PPP1R21: variants seen among roughly 807,000 people sequenced by gnomAD.
The protein encoded by PPP1R21 is protein phosphatase 1 regulatory subunit 21.
In PPP1R21, 85 loss-of-function variants were observed where a neutral mutation model predicts 112.8. That is an observed-to-expected ratio of 0.75 (90% CI 0.63 to 0.90). The LOEUF (loss-of-function observed/expected upper bound fraction) is 0.90. Ranked by LOEUF, PPP1R21 falls within the 40% of genes least tolerant of loss-of-function variation. The probability of loss-of-function intolerance (pLI) is 0.00; values close to 1 mark genes in which losing one functional copy is unlikely to be tolerated. For synonymous variants in PPP1R21, 381 were observed against 322.3 expected (o/e 1.18, Z -1.95); for missense variants, 1,199 against 901.5 (o/e 1.33, Z -4.23).
At position 48,478,642 on chromosome 2, in the gene PPP1R21, C is replaced by T. The variant is rs137880862; in HGVS notation, c.1226-1282C>T. Among the ~76,000 whole-genome samples, 284 of 152,320 alleles carry T rather than the reference C, an allele frequency of 1.9e-3. 3 individuals carry two copies. The highest frequency in any genetic ancestry group is 6.7e-3 in the African/African-American group (279 of 41,562). Reference sequence around the variant, plus strand: ...GGTATAGTTATAGACCTAGTGTACACCTAGCAGGTAGAGTTTTTTGAGATC... The same window carrying T: ...GGTATAGTTATAGACCTAGTGTACATCTAGCAGGTAGAGTTTTTTGAGATC... On this transcript the variant is annotated intron_variant, in intron 12 of 21. Transcript: ENST00000294952.
chr2:48,459,653 G>C, intron 4 of PPP1R21, 101 bp from the exon 5 acceptor site: 1 of 1,302,410 alleles, frequency 7.7e-7, no homozygotes, highest in Non-Finnish European at 1.1e-6. Context: ...TCAGCATATG[G>C]AACCATGTGG....
chr2:48,507,505 C>T, intron 19 of PPP1R21, 120 bp downstream of exon 19: 1 of 1,456,770 alleles, frequency 6.9e-7, no homozygotes. Flanking sequence ...GTAGCTGGGA[C>T]TATGGGTGTG....
chr2:48,491,086 G>C lies in PPP1R21; in HGVS notation c.1515G>C (p.Ala505=), dbSNP rs148151051. Residue 505 remains alanine (A), a synonymous_variant, in exon 15 of 22, where the codon GCG becomes GCC. Coordinates refer to ENST00000294952, the MANE Select transcript of PPP1R21 (RefSeq NM_001135629.3). ...CACTGAGCTATGGACCTAAGGCAGC[G>C]AGTGGATTCATTAGTCCTCTTTCAG... The part of the protein sequence containing the change: ...IASLSYGPKA[A]SGFISPLSAE... The C allele has an allele frequency of 6.2e-7, 1 of 1,614,116 alleles. No individual in the cohort carries two copies. The highest frequency in any genetic ancestry group is 8.5e-7 in the Non-Finnish European group (1 of 1,179,948).
At chr2:48,481,010 G>A (rs1408999353) in intron 13 of PPP1R21, among the ~76,000 whole-genome samples, 1 of 152,040 alleles carries the variant, frequency 6.6e-6, no homozygotes, top group Non-Finnish European at 1.5e-5. Flanking sequence ...TTTTTCTGAG[G>A]TTCAGTTTCG....
intron 21 of PPP1R21, among the ~76,000 whole-genome samples, chr2:48,512,672 G>C (rs1158219183): frequency 6.6e-6 from 1 of 152,202 alleles, no homozygotes; most frequent in Non-Finnish European, 1.5e-5. Context: ...ATAGTTTCGT[G>C]ATATTCATTG....
At chr2:48,480,284 C>T (rs780277449) in intron 13 of PPP1R21, among the ~76,000 whole-genome samples, 5 of 152,174 alleles carry the variant, frequency 3.3e-5, no homozygotes, top group Non-Finnish European at 7.3e-5. Context: ...TGACTTTAGG[C>T]AGGTGTGTGA....
intron 1 of PPP1R21, among the ~76,000 whole-genome samples, chr2:48,444,101 G>A (rs1260983232): frequency 6.6e-6 from 1 of 152,170 alleles, no homozygotes; most frequent in Non-Finnish European, 1.5e-5. Flanking sequence ...TGAGAGTCCA[G>A]TTAGATAAAA....
chr2:48,513,371 A>ATTT (rs113981174), intron 21 of PPP1R21, among the ~76,000 whole-genome samples: 2 of 144,548 alleles, frequency 1.4e-5, no homozygotes, highest in Admixed American at 7.0e-5. Flanking sequence ...TGCCCGGCTA[A>ATTT]TTTTTTTTTT....
chr2:48,483,354 T>G (rs910691794), intron 13 of PPP1R21, among the ~76,000 whole-genome samples: 1 of 152,074 alleles, frequency 6.6e-6, no homozygotes, highest in Non-Finnish European at 1.5e-5. Flanking sequence ...CTAATTTTTT[T>G]GTATTTTAAA....
chr2:48,460,042 T>G lies in PPP1R21; in HGVS notation c.541-53T>G. ...GCCTGCAGGGTCTTACTAAGTGTGC[T>G]CCTATCTGTCGTAGCCTGAGCCATC... On this transcript the variant is annotated intron_variant, in intron 5 of 21. Coordinates refer to ENST00000294952, the MANE Select transcript of PPP1R21 (RefSeq NM_001135629.3). The G allele has an allele frequency of 3.1e-6, 5 of 1,607,176 alleles. No individual in the cohort carries two copies. In the South Asian group the frequency reaches 5.5e-5, roughly 18 times the overall value.
intron 17 of PPP1R21, among the ~76,000 whole-genome samples, chr2:48,504,018 T>C (rs1670257018): frequency 6.6e-6 from 1 of 151,762 alleles, no homozygotes; most frequent in African/African-American, 2.4e-5. Flanking sequence ...CTTGGTGCTG[T>C]ACCCATTTTC....
chr2:48,471,615 C>T (rs924555384), intron 11 of PPP1R21, among the ~76,000 whole-genome samples: 2 of 152,202 alleles, frequency 1.3e-5, no homozygotes, highest in African/African-American at 4.8e-5. Context: ...ATTATCATCC[C>T]TTTGCAGTTA....
chr2:48,474,359 G>C (rs1046162326), intron 11 of PPP1R21, among the ~76,000 whole-genome samples: 1 of 152,178 alleles, frequency 6.6e-6, no homozygotes, highest in African/African-American at 2.4e-5. Context: ...CTCGAATCTG[G>C]AGACAGTGAG....
At chr2:48,460,929 C>T (rs1261324244) in intron 6 of PPP1R21, among the ~76,000 whole-genome samples, 1 of 152,178 alleles carries the variant, frequency 6.6e-6, no homozygotes, top group African/African-American at 2.4e-5. Flanking sequence ...CTCCAAACTT[C>T]CACATCATTC....
rs748921636 is a variant in PPP1R21, at chr2:48,505,551, C to G, written c.1936-13C>G. On this transcript the variant is annotated splice_polypyrimidine_tract_variant and intron_variant, in intron 17 of 21. Transcript: ENST00000294952. ...ACATTCTGTTCTAAAAGATTTTTCC[C>G]CTTATGTTCTAGATTGGGACTTTAA... The G allele has an allele frequency of 1.9e-6, 3 of 1,543,652 alleles. No individual in the cohort carries two copies. The highest frequency in any genetic ancestry group is 1.4e-5 in the African/African-American group (1 of 72,866).
chr2:48,474,951 T>C (rs1315250466), intron 12 of PPP1R21, 132 bp downstream of exon 12: 1 of 710,392 alleles, frequency 1.4e-6, no homozygotes, highest in Non-Finnish European at 2.3e-6. Flanking sequence ...GAATTCAAAT[T>C]CTCTAGCCCC....
At chr2:48,488,680 CT>C (rs1276860422) in intron 14 of PPP1R21, among the ~76,000 whole-genome samples, 1 of 152,160 alleles carries the variant, frequency 6.6e-6, no homozygotes, top group Non-Finnish European at 1.5e-5. Flanking sequence ...AAAATGTCAT[CT>C]CAAGGAAAGA....
At chr2:48,445,492 A>C (rs1245578060) in intron 1 of PPP1R21, among the ~76,000 whole-genome samples, 1 of 152,124 alleles carries the variant, frequency 6.6e-6, no homozygotes, top group African/African-American at 2.4e-5. Context: ...ACCTTGTTAA[A>C]CTGCTGATTC....
At position 48,514,748 on chromosome 2, in the gene PPP1R21, T is replaced by C. The variant is rs1167840384; in HGVS notation, c.*4T>C. On this transcript the variant is annotated 3_prime_UTR_variant, in exon 22 of 22. Transcript: ENST00000294952. Reference sequence around the variant, plus strand: ...TAAAAAGAACAAGAGTCGATAGTTTTGAAATAGCTGGTTGGCGACTGTTCT... The same window carrying C: ...TAAAAAGAACAAGAGTCGATAGTTTCGAAATAGCTGGTTGGCGACTGTTCT... 1 of 1,612,622 alleles carries C rather than the reference T, an allele frequency of 6.2e-7. No homozygotes were observed. Among genetic ancestry groups the C allele is most frequent in the Non-Finnish European group, 8.5e-7 (1 of 1,179,592 alleles).
Sources: gnomAD v4.1 joint callset for allele counts (sites outside exome capture counted in the v4.1 genomes callset) on GRCh38, gnomAD v4.1.1 for gene constraint, MANE v1.5 for transcripts, NCBI Gene and HGNC (gene_info 2026-07-23, HGNC 2026-07-21) for gene names.